The following HS6ST3 variants were observed in gnomAD, a reference collection of about 807,000 sequenced individuals.
The protein encoded by HS6ST3 is heparan sulfate 6-O-sulfotransferase 3, also known as heparan-sulfate 6-O-sulfotransferase 3.
HS6ST3 carries 12 observed loss-of-function variants against 36.7 expected under a neutral mutation model. The observed-to-expected ratio is 0.33, with a 90% CI of 0.21 to 0.53. HS6ST3 has a LOEUF of 0.53. Ranked by LOEUF, HS6ST3 falls within the 20% of genes least tolerant of loss-of-function variation. The pLI is 0.95. For synonymous variants in HS6ST3, 240 were observed against 257.5 expected, an observed-to-expected ratio of 0.93 and a Z score of 0.65; for missense variants, 584 against 640.9, an observed-to-expected ratio of 0.91 and a Z score of 0.96.
chr13:96,364,931 T>A (rs2055255959), intron 1 of HS6ST3, among the ~76,000 whole-genome samples: 1 of 152,218 alleles, frequency 6.6e-6, no homozygotes, highest in African/African-American at 2.4e-5. Context: ...CAATTAATTT[T>A]AAAATTCATT....
At chr13:96,200,140 A>G (rs930057175) in intron 1 of HS6ST3, among the ~76,000 whole-genome samples, 1 of 152,190 alleles carries the variant, frequency 6.6e-6, no homozygotes, top group Non-Finnish European at 1.5e-5. Flanking sequence ...GTGTGCCCCA[A>G]TATTTCAAAA....
chr13:96,135,030 A>G (rs2053994523), intron 1 of HS6ST3, among the ~76,000 whole-genome samples: 1 of 152,160 alleles, frequency 6.6e-6, no homozygotes, highest in Non-Finnish European at 1.5e-5. Flanking sequence ...TTACTGAAAG[A>G]AGAGGTCAGA....
intron 1 of HS6ST3, among the ~76,000 whole-genome samples, chr13:96,486,418 C>A (rs1241659315): frequency 6.6e-6 from 1 of 152,136 alleles, no homozygotes; most frequent in Non-Finnish European, 1.5e-5. Flanking sequence ...ATTTCTAGTT[C>A]TAGATCCCTG....
intron 1 of HS6ST3, among the ~76,000 whole-genome samples, chr13:96,813,011 T>G (rs1405060442): frequency 6.6e-6 from 1 of 152,190 alleles, no homozygotes; most frequent in East Asian, 1.9e-4. Context: ...TGCTCTCGTC[T>G]GATCACAGTA....
chr13:96,119,043 G>A (rs1461071828), intron 1 of HS6ST3, among the ~76,000 whole-genome samples: 1 of 151,958 alleles, frequency 6.6e-6, no homozygotes, highest in African/African-American at 2.4e-5. Flanking sequence ...ATTATGAGTG[G>A]AAAAAATATA....
At chr13:96,566,486 C>G (rs904759939) in intron 1 of HS6ST3, among the ~76,000 whole-genome samples, 1 of 151,962 alleles carries the variant, frequency 6.6e-6, no homozygotes, top group South Asian at 2.1e-4. Flanking sequence ...ATATTTGACT[C>G]TAGTAGAAAC....
At chr13:96,772,097 G>A (rs1877279743) in intron 1 of HS6ST3, among the ~76,000 whole-genome samples, 1 of 152,156 alleles carries the variant, frequency 6.6e-6, no homozygotes, top group African/African-American at 2.4e-5. Context: ...GGTTTTATAT[G>A]GGAAATAGAA....
chr13:96,280,889 G>C (rs950458745), intron 1 of HS6ST3, among the ~76,000 whole-genome samples: 42 of 152,156 alleles, frequency 2.8e-4, no homozygotes, highest in African/African-American at 1.0e-3. Flanking sequence ...TAATTTCAAT[G>C]TAAGATTCAA....
rs181063926 is a variant in HS6ST3, at chr13:96,827,510, G to C, written c.708-4980G>C. 5.3e-5 allele frequency among the ~76,000 whole-genome samples: 8 copies of C among 152,222 alleles called. No individual in the cohort carries two copies. The East Asian group carries it at 1.5e-3, about 29-fold the overall frequency. ...ACAAAATGTACATGAGAATATGTCT[G>C]TCTAAAGTGATTTCCAGATGCTTTT... On this transcript the variant is annotated intron_variant, in intron 1 of 1. Coordinates refer to ENST00000376705, the MANE Select transcript of HS6ST3 (RefSeq NM_153456.4).
intron 1 of HS6ST3, among the ~76,000 whole-genome samples, chr13:96,763,733 T>C (rs1877027545): frequency 6.6e-6 from 1 of 152,158 alleles, no homozygotes; most frequent in Non-Finnish European, 1.5e-5. Flanking sequence ...CCTCATAATG[T>C]TGCTGATTAA....
intron 1 of HS6ST3, among the ~76,000 whole-genome samples, chr13:96,474,494 C>T (rs1022586251): frequency 2.6e-5 from 4 of 152,154 alleles, no homozygotes; most frequent in Admixed American, 2.6e-4. Context: ...GGTCCAATCA[C>T]AGAATTTAAG....
At chr13:96,537,756 A>G (rs950049379) in intron 1 of HS6ST3, among the ~76,000 whole-genome samples, 24 of 152,224 alleles carry the variant, frequency 1.6e-4, no homozygotes, top group African/African-American at 5.5e-4. Context: ...TCAAAATGCA[A>G]TGACACTAAT....
At chr13:96,710,035 G>T (rs1054005276) in intron 1 of HS6ST3, among the ~76,000 whole-genome samples, 10 of 152,180 alleles carry the variant, frequency 6.6e-5, no homozygotes, top group Non-Finnish European at 1.2e-4. Flanking sequence ...CTGCAACTCT[G>T]TGCTGTTTCT....
At chr13:96,531,914 C>T (rs577744152) in intron 1 of HS6ST3, among the ~76,000 whole-genome samples, 1 of 152,324 alleles carries the variant, frequency 6.6e-6, no homozygotes, top group East Asian at 1.9e-4. Flanking sequence ...TTATCACAGA[C>T]AAAGCTGGAG....
intron 1 of HS6ST3, among the ~76,000 whole-genome samples, chr13:96,556,152 A>C (rs7328671): frequency 0.098 from 14,850 of 152,200 alleles, 1,372 homozygotes; most frequent in African/African-American, 0.25. Flanking sequence ...TGAATTTTTG[A>C]TCAACCCACT....
intron 1 of HS6ST3, among the ~76,000 whole-genome samples, chr13:96,457,452 A>G (rs1186523320): frequency 1.3e-5 from 2 of 152,292 alleles, no homozygotes; most frequent in African/African-American, 2.4e-5. Flanking sequence ...TGTGATGCAC[A>G]AAGTGAACAC....
At chr13:96,138,569 C>T (rs1417495389) in intron 1 of HS6ST3, among the ~76,000 whole-genome samples, 1 of 151,796 alleles carries the variant, frequency 6.6e-6, no homozygotes, top group Non-Finnish European at 1.5e-5. Flanking sequence ...TGAATACATC[C>T]ATCATTTCTA....
At chr13:96,669,799 G>A (rs540816705) in intron 1 of HS6ST3, among the ~76,000 whole-genome samples, 1 of 152,228 alleles carries the variant, frequency 6.6e-6, no homozygotes, top group Admixed American at 6.6e-5. Context: ...AAAGTGGTAG[G>A]AAATTGTCAT....
intron 1 of HS6ST3, among the ~76,000 whole-genome samples, chr13:96,338,737 C>T (rs2055114675): frequency 6.6e-6 from 1 of 152,152 alleles, no homozygotes; most frequent in Admixed American, 6.6e-5. Context: ...TTCTGTCTCT[C>T]TCCTTCTCTC....
Sources: gnomAD v4.1 joint callset for allele counts (sites outside exome capture counted in the v4.1 genomes callset) on GRCh38, gnomAD v4.1.1 for gene constraint, MANE v1.5 for transcripts, NCBI Gene and HGNC (gene_info 2026-07-23, HGNC 2026-07-21) for gene names.